Variants in MYT1L observed in about 807,000 individuals in gnomAD.
MYT1L encodes the protein myelin transcription factor 1 like.
MYT1L carries 12 observed loss-of-function variants against 126.7 expected under a neutral mutation model. The ratio of observed to expected loss-of-function variants is 0.09; its 90% CI spans 0.06 to 0.15. The LOEUF (loss-of-function observed/expected upper bound fraction) is 0.15. Among genes scored for constraint, MYT1L ranks in the 10% least tolerant of loss-of-function variants. The pLI is 1.00. For synonymous variants in MYT1L, 541 were observed against 604.2 expected, an observed-to-expected ratio of 0.90 and a Z score of 1.53; for missense variants, 979 against 1,585.2, an observed-to-expected ratio of 0.62 and a Z score of 6.49.
chr2:1,864,967 A>C (rs114594089), intron 18 of MYT1L, among the ~76,000 whole-genome samples: 42 of 151,922 alleles, frequency 2.8e-4, no homozygotes, highest in African/African-American at 1.0e-3. Flanking sequence ...CTGAGCTTCC[A>C]CTCTATTTAG....
chr2:2,026,803 G>T (rs530705389), intron 4 of MYT1L, among the ~76,000 whole-genome samples: 26 of 152,102 alleles, frequency 1.7e-4, no homozygotes, highest in Non-Finnish European at 3.4e-4. Flanking sequence ...TTGAACACTG[G>T]CATAGCCTTG....
chr2:2,260,337 G>T (rs1317889599), intron 2 of MYT1L, among the ~76,000 whole-genome samples: 1 of 152,172 alleles, frequency 6.6e-6, no homozygotes, highest in Admixed American at 6.5e-5. Context: ...CTTCAAAATT[G>T]TAAAGGCATA....
intron 2 of MYT1L, among the ~76,000 whole-genome samples, chr2:2,174,013 C>A (rs2148559618): frequency 6.6e-6 from 1 of 152,258 alleles, no homozygotes; most frequent in East Asian, 1.9e-4. Flanking sequence ...GCAACCATAA[C>A]AATTATTATT....
At chr2:2,159,304 T>C (rs1465389) in intron 3 of MYT1L, among the ~76,000 whole-genome samples, 122,774 of 152,138 alleles carry the variant, frequency 0.81, 49,853 homozygotes, top group Middle Eastern at 0.89. Context: ...CCAGTATTCA[T>C]GGTCTCTTCG....
rs192114155 is a variant in MYT1L at position 1,914,240 on chromosome 2, C to T, written c.1619-2130G>A. Among the ~76,000 whole-genome samples, 1,300 of 151,798 alleles carry T rather than the reference C, an allele frequency of 8.6e-3. 9 individuals are homozygous for T. Among genetic ancestry groups the T allele is most frequent in the Non-Finnish European group, 0.014 (964 of 67,914 alleles). On this transcript the variant is annotated intron_variant, in intron 11 of 24. Coordinates refer to ENST00000647738, the MANE Select transcript of MYT1L (RefSeq NM_001303052.2). ...TTGCACTCCAGCCTGGGCGACAGAGCGAGACTCTGTCTAAAAAAAAAACAA... is the reference window on the plus strand; with the variant it reads ...TTGCACTCCAGCCTGGGCGACAGAGTGAGACTCTGTCTAAAAAAAAAACAA...
chr2:1,832,941 G>C (rs77609262), intron 21 of MYT1L, among the ~76,000 whole-genome samples: 1 of 152,208 alleles, frequency 6.6e-6, no homozygotes. Flanking sequence ...AGCAGGCCAC[G>C]GTACTCAACT....
intron 2 of MYT1L, among the ~76,000 whole-genome samples, chr2:2,271,667 G>A (rs527839632): frequency 6.6e-6 from 1 of 152,146 alleles, no homozygotes; most frequent in Non-Finnish European, 1.5e-5. Context: ...GTGCAACATC[G>A]AGGAGCCAGA....
In MYT1L at chr2:1,815,728, C is replaced by T. The variant is rs548658993; in HGVS notation, c.3081-6561G>A. 7.2e-5 allele frequency among the ~76,000 whole-genome samples: 11 copies of T among 152,386 alleles called. No individual in the cohort carries two copies. The South Asian group carries it at 2.3e-3, about 32-fold the overall frequency. On this transcript the variant is annotated intron_variant, in intron 21 of 24. Coordinates refer to ENST00000647738, the MANE Select transcript of MYT1L (RefSeq NM_001303052.2). Reference sequence around the variant, plus strand: ...CCCAGAACTCCCGGCCTCTCCGCACCAGACAGTCGGTCAGGCCAGTGTCCC... The same window carrying T: ...CCCAGAACTCCCGGCCTCTCCGCACTAGACAGTCGGTCAGGCCAGTGTCCC...
intron 1 of MYT1L, among the ~76,000 whole-genome samples, chr2:2,286,096 C>CCTCA (rs1261131951): frequency 1.3e-5 from 2 of 152,174 alleles, no homozygotes; most frequent in Admixed American, 1.3e-4. Flanking sequence ...GATACTCCTG[C>CCTCA]CTCAGCCTTG....
intron 2 of MYT1L, among the ~76,000 whole-genome samples, chr2:2,241,165 A>G (rs2094432709): frequency 6.6e-6 from 1 of 152,212 alleles, no homozygotes; most frequent in Non-Finnish European, 1.5e-5. Context: ...TAAAGTAACA[A>G]GCTCATAGGT....
At chr2:2,042,577 A>T (rs577516479) in intron 4 of MYT1L, among the ~76,000 whole-genome samples, 21 of 152,270 alleles carry the variant, frequency 1.4e-4, no homozygotes, top group Non-Finnish European at 2.4e-4. Context: ...TTACAATGGG[A>T]ATGCCATGAA....
chr2:1,838,380 G>T (rs1241170531), intron 21 of MYT1L, among the ~76,000 whole-genome samples: 1 of 152,184 alleles, frequency 6.6e-6, no homozygotes, highest in Non-Finnish European at 1.5e-5. Flanking sequence ...TTCTGTGTTT[G>T]AGATGGATTT....
In MYT1L at chr2:1,890,869, G is replaced by C. The variant is rs532450176; in HGVS notation, c.2283+1168C>G. Among the ~76,000 whole-genome samples, 6 of 152,290 alleles carry C rather than the reference G, an allele frequency of 3.9e-5. No individual in the cohort carries two copies. The East Asian group carries it at 1.2e-3, about 29-fold the overall frequency. ...TAAATTATACAGTATCATTCTGCCT[G>C]AACTCTCTTTGTCAAAGTGTACTCT... On this transcript the variant is annotated intron_variant, in intron 15 of 24. Transcript: ENST00000647738.
chr2:2,097,289 C>A (rs993674011), intron 3 of MYT1L, among the ~76,000 whole-genome samples: 2 of 152,134 alleles, frequency 1.3e-5, no homozygotes, highest in African/African-American at 4.8e-5. Context: ...CTGTGATCAC[C>A]ATCAGGACTG....
At chr2:1,803,041 C>T (rs1369728203) in intron 22 of MYT1L, among the ~76,000 whole-genome samples, 1 of 152,164 alleles carries the variant, frequency 6.6e-6, no homozygotes, top group Non-Finnish European at 1.5e-5. Flanking sequence ...CTGCTGACAT[C>T]AGCAGAACAG....
At chr2:2,048,391 G>A (rs1186918772) in intron 4 of MYT1L, among the ~76,000 whole-genome samples, 1 of 152,180 alleles carries the variant, frequency 6.6e-6, no homozygotes, top group African/African-American at 2.4e-5. Flanking sequence ...TCTGTTCCAA[G>A]GGGAAATGGA....
At chr2:1,837,721 C>T (rs2148359530) in intron 21 of MYT1L, among the ~76,000 whole-genome samples, 1 of 152,146 alleles carries the variant, frequency 6.6e-6, no homozygotes. Context: ...CTGCTGGGCC[C>T]TGGGTGATCC....
chr2:1,805,809 C>A (rs1379454984), intron 22 of MYT1L, among the ~76,000 whole-genome samples: 2 of 152,204 alleles, frequency 1.3e-5, no homozygotes, highest in African/African-American at 4.8e-5. Context: ...TCGCTTGACC[C>A]TGGGAGGCGG....
chr2:2,205,887 C>A (rs1164287285), intron 2 of MYT1L, among the ~76,000 whole-genome samples: 2 of 152,174 alleles, frequency 1.3e-5, no homozygotes, highest in African/African-American at 4.8e-5. Context: ...GTATCAGCTC[C>A]TTTGTTCTCA....
Sources: allele counts gnomAD v4.1 joint callset (sites outside exome capture counted in the v4.1 genomes callset), GRCh38; gene constraint gnomAD v4.1.1; transcripts MANE v1.5; gene names NCBI Gene and HGNC (gene_info 2026-07-23, HGNC 2026-07-21).